Variants in ACTR3C observed in about 807,000 individuals in gnomAD.
ACTR3C encodes actin-related protein 3C.
Under a neutral mutation model 26.3 loss-of-function variants are expected in ACTR3C, and 18 were observed. The observed-to-expected ratio is 0.68, with a 90% CI of 0.47 to 1.01. The LOEUF (loss-of-function observed/expected upper bound fraction) is 1.01. Among genes scored for constraint, ACTR3C ranks in the 50% least tolerant of loss-of-function variants. The pLI is 0.00. For missense variants in ACTR3C, 184 were observed against 250.7 expected, an observed-to-expected ratio of 0.73 and a Z score of 1.80; for synonymous variants, 55 against 94.5, an observed-to-expected ratio of 0.58 and a Z score of 2.42.
the ACTR3C span, among the ~76,000 whole-genome samples, chr7:149,895,881 G>A: frequency 1.3e-5 from 2 of 151,890 alleles, no homozygotes; most frequent in Non-Finnish European, 2.9e-5. Flanking sequence ...AAATCCTTGT[G>A]ACTGAATTTC....
the ACTR3C span, among the ~76,000 whole-genome samples, chr7:150,111,900 G>A: frequency 6.6e-6 from 1 of 151,554 alleles, no homozygotes; most frequent in South Asian, 2.1e-4. Flanking sequence ...CCGGCGCGCT[G>A]GCCCGCCTCA....
the ACTR3C span, among the ~76,000 whole-genome samples, chr7:150,037,646 C>A: frequency 1.9e-5 from 2 of 104,716 alleles, no homozygotes; most frequent in Non-Finnish European, 2.0e-5. Flanking sequence ...GAACTTTCTA[C>A]TTGGACAACT....
the ACTR3C span, among the ~76,000 whole-genome samples, chr7:150,185,268 ATGTC>A: frequency 7.1e-6 from 1 of 140,024 alleles, no homozygotes; most frequent in African/African-American, 2.8e-5. Flanking sequence ...TCAATATTAA[ATGTC>A]AGGCGTGTGT....
At chr7:149,978,001 A>C in the ACTR3C span, among the ~76,000 whole-genome samples, 2 of 151,250 alleles carry the variant, frequency 1.3e-5, no homozygotes, top group African/African-American at 2.4e-5. Context: ...TGACACAGAC[A>C]GCCAGTTCTA....
the ACTR3C span, among the ~76,000 whole-genome samples, chr7:150,082,535 C>T: frequency 6.6e-6 from 1 of 152,084 alleles, no homozygotes; most frequent in African/African-American, 2.4e-5. Context: ...GTGGCCTTGT[C>T]TTGATGGATA....
At chr7:150,060,559 C>G in the ACTR3C span, among the ~76,000 whole-genome samples, 4 of 152,224 alleles carry the variant, frequency 2.6e-5, no homozygotes, top group East Asian at 7.7e-4. Context: ...ATGAATTCAG[C>G]CAACTGCAAA....
At chr7:150,165,764 C>T in the ACTR3C span, among the ~76,000 whole-genome samples, 1 of 150,590 alleles carries the variant, frequency 6.6e-6, no homozygotes, top group African/African-American at 2.5e-5. Flanking sequence ...GAGTCCATTC[C>T]TGCTCTCCCT....
the ACTR3C span, among the ~76,000 whole-genome samples, chr7:150,058,003 C>A: frequency 6.6e-5 from 10 of 152,308 alleles, no homozygotes; most frequent in African/African-American, 2.4e-4. Context: ...TGGAGAGCTC[C>A]ACAAGTTGAC....
At chr7:150,157,669 C>A in the ACTR3C span, among the ~76,000 whole-genome samples, 1 of 152,208 alleles carries the variant, frequency 6.6e-6, no homozygotes, top group East Asian at 1.9e-4. Flanking sequence ...GCTGCAAGTT[C>A]CTCCAACTCA....
At chr7:150,208,104 T>C in the ACTR3C span, among the ~76,000 whole-genome samples, 2 of 152,182 alleles carry the variant, frequency 1.3e-5, no homozygotes, top group Admixed American at 6.5e-5. Flanking sequence ...TTCTGATAGA[T>C]GGGGAGTAAA....
chr7:150,101,757 A>C, the ACTR3C span, among the ~76,000 whole-genome samples: 1 of 151,754 alleles, frequency 6.6e-6, no homozygotes, highest in Non-Finnish European at 1.5e-5. Context: ...TGAACAAAAG[A>C]TGATGTGTGT....
chr7:149,897,432 C>T, the ACTR3C span, among the ~76,000 whole-genome samples: 1 of 152,240 alleles, frequency 6.6e-6, no homozygotes, highest in Non-Finnish European at 1.5e-5. Flanking sequence ...TTTTCTCAAA[C>T]AGAGAGCTAT....
At chr7:150,026,362 T>C in the ACTR3C span, among the ~76,000 whole-genome samples, 1 of 152,110 alleles carries the variant, frequency 6.6e-6, no homozygotes, top group Non-Finnish European at 1.5e-5. Context: ...GTTGTCTTGA[T>C]TGGTTTTATA....
At chr7:150,310,658 T>G (rs1309109871) in intron 1 of ACTR3C, among the ~76,000 whole-genome samples, 1 of 152,106 alleles carries the variant, frequency 6.6e-6, no homozygotes, top group African/African-American at 2.4e-5. Flanking sequence ...CACCTTTACC[T>G]GAACTGACCC....
chr7:150,084,954 A>C, the ACTR3C span, among the ~76,000 whole-genome samples: 1 of 152,010 alleles, frequency 6.6e-6, no homozygotes, highest in African/African-American at 2.4e-5. Context: ...GATTAGGGGT[A>C]TATTTTGGAG....
the ACTR3C span, among the ~76,000 whole-genome samples, chr7:149,904,361 C>T: frequency 6.6e-6 from 1 of 151,440 alleles, no homozygotes; most frequent in African/African-American, 2.4e-5. Flanking sequence ...GAAATCCCGT[C>T]TCTACTAAAA....
At chr7:150,027,128 A>T in the ACTR3C span, among the ~76,000 whole-genome samples, 1 of 152,092 alleles carries the variant, frequency 6.6e-6, no homozygotes, top group Non-Finnish European at 1.5e-5. Context: ...GACACAGTCC[A>T]CAATTACCTG....
At chr7:150,144,275 A>T in the ACTR3C span, among the ~76,000 whole-genome samples, 1 of 152,228 alleles carries the variant, frequency 6.6e-6, no homozygotes, top group Non-Finnish European at 1.5e-5. The surrounding 1 kb of genome is among the most constrained non-coding windows in gnomAD (Gnocchi z 4.6). Context: ...AAAAAATACC[A>T]TGTTAAAGAT....
chr7:150,105,963 T>C, the ACTR3C span, among the ~76,000 whole-genome samples: 1 of 152,062 alleles, frequency 6.6e-6, no homozygotes, highest in East Asian at 1.9e-4. Context: ...TAAAAAAAAT[T>C]ACTTCCCAAC....
Sources: allele counts gnomAD v4.1 joint callset (sites outside exome capture counted in the v4.1 genomes callset), GRCh38; gene constraint gnomAD v4.1.1; non-coding constraint Gnocchi (gnomAD v3.1); transcripts MANE v1.5; gene names NCBI Gene and HGNC (gene_info 2026-07-23, HGNC 2026-07-21).